The following TMPRSS4 variants were observed in gnomAD, a reference collection of about 807,000 sequenced individuals.
The protein encoded by TMPRSS4 is transmembrane serine protease 4.
TMPRSS4 carries 45 observed loss-of-function variants against 56.4 expected under a neutral mutation model. That is an observed-to-expected ratio of 0.80 (90% CI 0.63 to 1.02). The LOEUF (loss-of-function observed/expected upper bound fraction) is 1.02, where lower values mean the gene tolerates loss of function less well. Ranked by LOEUF, TMPRSS4 falls within the 50% of genes least tolerant of loss-of-function variation. The pLI is 0.00. For synonymous variants in TMPRSS4, 205 were observed against 211.0 expected (o/e 0.97, Z 0.25); for missense variants, 546 against 556.7 (o/e 0.98, Z 0.19).
In TMPRSS4 at chr11:118,077,266, C is replaced by T. The variant is rs1316731979; in HGVS notation, c.-37C>T. 1.9e-6 allele frequency: 3 copies of T among 1,595,520 alleles called. No individual in the cohort carries two copies. The highest frequency in any genetic ancestry group is 2.3e-5 in the East Asian group (1 of 43,968). ...TGCCTTGGGGTGACAATCTCAGCTC[C>T]AGGCTACAGGGAGACCGGGAGGATC... On this transcript the variant is annotated 5_prime_UTR_variant, in exon 1 of 13. Transcript: ENST00000437212.
chr11:118,095,053 G>A, intron 2 of TMPRSS4, 198 bp downstream of exon 2: 1 of 618,128 alleles, frequency 1.6e-6, no homozygotes, highest in Non-Finnish European at 2.9e-6. Flanking sequence ...CCTGGACTCT[G>A]GGGAAACAGG....
chr11:118,081,717 C>G (rs1049324237), intron 1 of TMPRSS4, among the ~76,000 whole-genome samples: 2 of 152,242 alleles, frequency 1.3e-5, no homozygotes, highest in African/African-American at 4.8e-5. Flanking sequence ...TTCAGCATAT[C>G]CTGCTGTCTC....
In TMPRSS4 at chr11:118,115,262, G is replaced by C; in HGVS notation, c.1134G>C (p.Gly378=). 6.2e-7 allele frequency: 1 copy of C among 1,612,762 alleles called. No individual in the cohort carries two copies. Among genetic ancestry groups the C allele is most frequent in the South Asian group, 1.1e-5 (1 of 90,314 alleles). The change falls in exon 11 of 13, where the codon GGG becomes GGC. Residue 378 remains glycine (G), a synonymous_variant. Coordinates refer to ENST00000437212, the MANE Select transcript of TMPRSS4 (RefSeq NM_019894.4). ...EKMMCAGIPE[G]GVDTCQGDSG... is the part of the protein sequence containing the mutation. ...TGATGTGTGCAGGCATCCCGGAAGG[G>C]GGTGTGGACACCTGCCAGGTGGGGC...
chr11:118,096,976 GAAA>G lies in TMPRSS4; in HGVS notation c.44-2008_44-2006del, dbSNP rs1565423284. 5.9e-3 allele frequency among the ~76,000 whole-genome samples: 209 copies of G among 35,708 alleles called. 27 individuals carry two copies. The highest frequency in any genetic ancestry group is 0.012 in the African/African-American group (94 of 7,704). 23.4% of individuals were successfully genotyped at this position (35,708 alleles called of 152,430 possible). Reference sequence around the variant, plus strand: ...GAAGGAAAGAAAGAAAGGAAAGAAAGAAAGAAAGAAAGAAAGAAAGAAAGAAAG... The same window carrying G: ...GAAGGAAAGAAAGAAAGGAAAGAAAGGAAAGAAAGAAAGAAAGAAAGAAAG... On this transcript the variant is annotated intron_variant, in intron 2 of 12. Coordinates refer to ENST00000437212, the MANE Select transcript of TMPRSS4 (RefSeq NM_019894.4).
rs144440581 is a variant in TMPRSS4 at position 118,108,544 on chromosome 11, G to T, written c.543-312G>T. 2.1e-5 allele frequency: 8 copies of T among 379,690 alleles called. No individual in the cohort carries two copies. In the East Asian group the frequency reaches 3.5e-4, roughly 17 times the overall value. The allele number at this position is 379,690 out of a possible 1,614,324, so 23.5% of individuals were successfully genotyped here. On this transcript the variant is annotated intron_variant, in intron 6 of 12. Transcript: ENST00000437212. ...TTCTTCCATTTGGAAAGCCCACAGT[G>T]TCACAGACTCTGTTCCGGGCTCTGT...
Position 118,117,909 on chromosome 11 carries a change from T to C in TMPRSS4, c.1310T>C (p.Leu437Pro), listed in dbSNP as rs746136151. The C allele has an allele frequency of 6.2e-7, 1 of 1,613,526 alleles. No homozygotes were observed. Among genetic ancestry groups the C allele is most frequent in the African/African-American group, 1.3e-5 (1 of 75,056 alleles). The change falls in exon 13 of 13, where the codon CTG becomes CCG. Residue 437 changes from leucine (L) to proline (P), a missense_variant. Coordinates refer to ENST00000437212, the MANE Select transcript of TMPRSS4 (RefSeq NM_019894.4). ...NWIYNVWKAEL is the reference protein window; with the variant it reads ...NWIYNVWKAEP ...CGGTCTCTCTTATTCTAGGCTGAGC[T>C]GTAATGCTGCTGCCCCTTTGCAGTG...
chr11:118,093,592 T>C (rs1946106204), intron 1 of TMPRSS4, among the ~76,000 whole-genome samples: 1 of 152,196 alleles, frequency 6.6e-6, no homozygotes, highest in Admixed American at 6.5e-5. Context: ...TAAATAGAAA[T>C]GCCTTTGCGT....
At chr11:118,098,017 A>C (rs1054589465) in intron 2 of TMPRSS4, among the ~76,000 whole-genome samples, 3 of 152,050 alleles carry the variant, frequency 2.0e-5, no homozygotes, top group Non-Finnish European at 2.9e-5. Context: ...TGATCCACCC[A>C]CCTCGGCCTC....
chr11:118,099,230 C>T, intron 3 of TMPRSS4, 132 bp downstream of exon 3: 1 of 653,418 alleles, frequency 1.5e-6, no homozygotes, highest in Non-Finnish European at 2.6e-6. Flanking sequence ...GAGGCAGTCC[C>T]ACCCCTGCCC....
Position 118,113,372 on chromosome 11 carries a change from C to G in TMPRSS4, c.847C>G (p.Pro283Ala), listed in dbSNP as rs1158601260. 6.2e-7 allele frequency: 1 copy of G among 1,614,166 alleles called. No homozygotes were observed. Among genetic ancestry groups the G allele is most frequent in the Admixed American group, 1.7e-5 (1 of 60,026 alleles). ...VAKIIIIEFN[P>A]MYPKDNDIAL... is the part of the protein sequence containing the mutation. ...CAAGATCATCATCATTGAATTCAAC[C>G]CCATGTACCCCAAAGACAATGACAT... Residue 283 changes from proline (P) to alanine (A), a missense_variant, in exon 9 of 13, where the codon CCC becomes GCC. Physicochemically the swap from Pro to Ala is conservative, Grantham distance 27. Coordinates refer to ENST00000437212, the MANE Select transcript of TMPRSS4 (RefSeq NM_019894.4).
intron 7 of TMPRSS4, among the ~76,000 whole-genome samples, chr11:118,109,850 C>T (rs2135434832): frequency 6.6e-6 from 1 of 152,326 alleles, no homozygotes; most frequent in East Asian, 1.9e-4. Flanking sequence ...CCCCACAATA[C>T]CTAGTGCGTG....
intron 11 of TMPRSS4, 80 bp from the exon 12 acceptor site, chr11:118,117,225 G>T (rs1406795058): frequency 7.0e-7 from 1 of 1,428,326 alleles, no homozygotes. Context: ...GAACAGATAG[G>T]CCAGTTCAGG....
rs1565421994 is a variant in TMPRSS4, at chr11:118,096,825, G to GGAAAGGAAGAAAGAAAGAA, written c.43+1970_43+1971insGAAAGGAAGAAAGAAAGAA. Among the ~76,000 whole-genome samples, 2 of 21,350 alleles carry GGAAAGGAAGAAAGAAAGAA rather than the reference G, an allele frequency of 9.4e-5. 1 individual carries two copies. Among genetic ancestry groups the GGAAAGGAAGAAAGAAAGAA allele is most frequent in the African/African-American group, 4.9e-4 (2 of 4,058 alleles). The allele number at this position is 21,350 out of a possible 152,430, so 14.0% of individuals were successfully genotyped here. On this transcript the variant is annotated intron_variant, in intron 2 of 12. Transcript: ENST00000437212. ...AGAGGAGAGAAAAAAGAAAGAAAGA[G>GGAAAGGAAGAAAGAAAGAA]AGAAAGAAAGAAGGAAAGAAGGAAA...
At chr11:118,102,813 G>A (rs534124229) in intron 3 of TMPRSS4, 2 of 375,326 alleles carry the variant, frequency 5.3e-6, no homozygotes, top group East Asian at 1.0e-4. Flanking sequence ...CATACTGAGC[G>A]AGCACTGGAG....
rs1591418524 is a variant in TMPRSS4 at position 118,118,914 on chromosome 11, C to T, written c.*1001C>T. On this transcript the variant is annotated 3_prime_UTR_variant, in exon 13 of 13. Coordinates refer to ENST00000437212, the MANE Select transcript of TMPRSS4 (RefSeq NM_019894.4). ...CAGCTGCCAGGTGTGAGGCAGTCCCCAAGCTGAGTTGTGAGGATGTAAGCA... is the reference window on the plus strand; with the variant it reads ...CAGCTGCCAGGTGTGAGGCAGTCCCTAAGCTGAGTTGTGAGGATGTAAGCA... The T allele has an allele frequency of 1.0e-6, 1 of 985,282 alleles. No individual in the cohort carries two copies. Among genetic ancestry groups the T allele is most frequent in the Admixed American group, 6.1e-5 (1 of 16,272 alleles). The allele number at this position is 985,282 out of a possible 1,614,324, so 61.0% of individuals were successfully genotyped here. A position where few individuals can be genotyped will look rare whatever the true frequency, so the allele number is the denominator to read the frequency against.
chr11:118,108,142 C>G lies in TMPRSS4; in HGVS notation c.542+267C>G, dbSNP rs139676823. 558 of 373,338 alleles carry G rather than the reference C, an allele frequency of 1.5e-3. 2 individuals are homozygous for G. Among genetic ancestry groups the G allele is most frequent in the African/African-American group, 9.5e-3 (470 of 49,394 alleles). 23.1% of individuals were successfully genotyped at this position (373,338 alleles called of 1,614,324 possible). On this transcript the variant is annotated intron_variant, in intron 6 of 12. Transcript: ENST00000437212. Reference sequence around the variant, plus strand: ...GAGCCAGAGGGATGGATAATGTGACCTTTCCATCAATCTGGATAGTAAATA... The same window carrying G: ...GAGCCAGAGGGATGGATAATGTGACGTTTCCATCAATCTGGATAGTAAATA...
chr11:118,112,379 CTTTTTTTTTTTTTTTT>C (rs71469160), intron 8 of TMPRSS4, among the ~76,000 whole-genome samples: 3 of 45,674 alleles, frequency 6.6e-5, no homozygotes, highest in Non-Finnish European at 1.2e-4. Flanking sequence ...ACCCCCTTCA[CTTTTTTTTTTTTTTTT>C]TTTTTTTTTT....
downstream of TMPRSS4, among the ~76,000 whole-genome samples, chr11:118,123,570 T>C (rs183822079): frequency 1.3e-5 from 2 of 152,116 alleles, no homozygotes; most frequent in African/African-American, 4.8e-5. Context: ...CAGGCTGGAG[T>C]GCAGTGCAGT....
At position 118,104,811 on chromosome 11, in the gene TMPRSS4, G is replaced by C; in HGVS notation, c.431G>C (p.Gly144Ala). 1 of 1,597,174 alleles carries C rather than the reference G, an allele frequency of 6.3e-7. No individual in the cohort carries two copies. The highest frequency in any genetic ancestry group is 8.5e-7 in the Non-Finnish European group (1 of 1,171,092). Residue 144 changes from glycine (G) to alanine (A), a missense_variant, in exon 5 of 13, where the codon GGC becomes GCC. Transcript: ENST00000437212. ...ALAETACRQM[G>A]YSSKPTFRAV... ...GCTGAGACAGCCTGTAGGCAGATGG[G>C]CTACAGCAGGTAACCAACCTGGGCC...
Sources: gnomAD v4.1 joint callset for allele counts (sites outside exome capture counted in the v4.1 genomes callset) on GRCh38, gnomAD v4.1.1 for gene constraint, MANE v1.5 for transcripts, NCBI Gene and HGNC (gene_info 2026-07-23, HGNC 2026-07-21) for gene names.